The following MTHFSD variants were observed in gnomAD, a reference collection of about 807,000 sequenced individuals.
The protein encoded by MTHFSD is methenyltetrahydrofolate synthase domain-containing protein.
A neutral mutation model predicts 31.1 loss-of-function variants in MTHFSD; 37 were observed. The observed-to-expected ratio is 1.19, with a 90% CI of 0.91 to 1.56. The LOEUF (loss-of-function observed/expected upper bound fraction) is 1.56. Ranked by LOEUF, MTHFSD falls within the 40% of genes most tolerant of loss-of-function variation. The pLI is 0.00. For missense variants in MTHFSD, 664 were observed against 510.1 expected, an observed-to-expected ratio of 1.30 and a Z score of -2.91; for synonymous variants, 221 against 206.9, an observed-to-expected ratio of 1.07 and a Z score of -0.59.
At chr16:86,535,195 T>A in intron 7 of MTHFSD, 1 of 869,678 alleles carries the variant, frequency 1.1e-6, no homozygotes, top group Non-Finnish European at 1.3e-6. Context: ...ACTGGCACAC[T>A]GGCATCCGCA....
intron 4 of MTHFSD, chr16:86,547,211 G>A (rs930186664): frequency 4.8e-5 from 47 of 985,836 alleles, no homozygotes; most frequent in South Asian, 2.8e-4. Flanking sequence ...CAATATACTC[G>A]CTTCTAAAAA....
chr16:86,536,507 G>A (rs904579252), intron 7 of MTHFSD, among the ~76,000 whole-genome samples: 1 of 152,160 alleles, frequency 6.6e-6, no homozygotes. Context: ...TTACAATCAC[G>A]CTTCGACTGG....
chr16:86,533,837 G>C (rs1286728542), intron 7 of MTHFSD: 1 of 152,214 alleles, frequency 6.6e-6, no homozygotes, highest in Non-Finnish European at 1.5e-5. Context: ...AAAAACCTAA[G>C]AACAGCCAAG....
Position 86,552,282 on chromosome 16 carries a change from T to A in MTHFSD, c.124-136A>T, listed in dbSNP as rs962749008. ...CAAGCGTGGGAGTTGCTCGGCAGCA[T>A]GAGAAGCGCCCTGTTTCCAATGCAA... On this transcript the variant is annotated intron_variant, in intron 2 of 7. Coordinates refer to ENST00000360900, the MANE Select transcript of MTHFSD (RefSeq NM_001159377.2). 4.4e-6 allele frequency: 7 copies of A among 1,581,442 alleles called. No individual in the cohort carries two copies. In the African/African-American group the frequency reaches 9.4e-5, roughly 21 times the overall value.
chr16:86,555,045 C>T, intron 1 of MTHFSD, 124 bp downstream of exon 1: 1 of 1,469,912 alleles, frequency 6.8e-7, no homozygotes, highest in South Asian at 1.3e-5. Context: ...CTCTGACCTC[C>T]TCGGCCGCTT....
rs114260104 is a variant in MTHFSD at position 86,540,242 on chromosome 16, C to A, written c.681+1455G>T. On this transcript the variant is annotated intron_variant, in intron 7 of 7. Coordinates refer to ENST00000360900, the MANE Select transcript of MTHFSD (RefSeq NM_001159377.2). ...AAATGAGAGATGGCCTTTGAAAAGT[C>A]TGAGATTCTTGCTGAGGCCTCATAA... 2.8e-3 allele frequency among the ~76,000 whole-genome samples: 433 copies of A among 152,274 alleles called. 1 individual carries two copies. Among genetic ancestry groups the A allele is most frequent in the African/African-American group, 0.01 (422 of 41,550 alleles).
chr16:86,545,847 C>T (rs572645489), intron 5 of MTHFSD, among the ~76,000 whole-genome samples: 1 of 152,344 alleles, frequency 6.6e-6, no homozygotes, highest in Admixed American at 6.5e-5. Context: ...GAGTCCCCAG[C>T]CCCGATGACA....
chr16:86,547,282 T>A, intron 4 of MTHFSD: 1 of 985,578 alleles, frequency 1.0e-6, no homozygotes, highest in Non-Finnish European at 1.2e-6. Context: ...CAGGCATGCA[T>A]ATAAAGAATA....
chr16:86,546,112 G>C (rs1368231597), intron 5 of MTHFSD, among the ~76,000 whole-genome samples: 1 of 152,126 alleles, frequency 6.6e-6, no homozygotes, highest in Non-Finnish European at 1.5e-5. Flanking sequence ...CAGGAGTCTC[G>C]GACACACCAC....
intron 7 of MTHFSD, chr16:86,540,723 G>A (rs1971380760): frequency 3.0e-6 from 3 of 990,088 alleles, no homozygotes; most frequent in South Asian, 9.2e-5. Flanking sequence ...GACATCAAGG[G>A]ATATTTTCAT....
intron 7 of MTHFSD, chr16:86,535,566 T>C: frequency 1.0e-6 from 1 of 964,960 alleles, no homozygotes; most frequent in Non-Finnish European, 1.2e-6. Flanking sequence ...TGAGAAAACA[T>C]TTTTGCCTTT....
chr16:86,552,856 C>A (rs1242271764), intron 2 of MTHFSD, among the ~76,000 whole-genome samples: 1 of 152,162 alleles, frequency 6.6e-6, no homozygotes. Context: ...GCAGTCCTGA[C>A]AAAATGGGGT....
intron 7 of MTHFSD, chr16:86,541,132 C>G: frequency 7.8e-7 from 1 of 1,286,884 alleles, no homozygotes. Context: ...GCATCATAAC[C>G]TACAGGCTGA....
At chr16:86,543,791 C>T (rs982173131) in intron 5 of MTHFSD, among the ~76,000 whole-genome samples, 2 of 152,234 alleles carry the variant, frequency 1.3e-5, no homozygotes, top group South Asian at 2.1e-4. Context: ...GGCCACACAG[C>T]ACGAGGTGGG....
chr16:86,535,047 A>G (rs553924719), intron 7 of MTHFSD, among the ~76,000 whole-genome samples: 1 of 152,378 alleles, frequency 6.6e-6, no homozygotes, highest in South Asian at 2.1e-4. Flanking sequence ...GTTTTGAAAC[A>G]TGCCGTGGGA....
chr16:86,531,917 T>C lies in MTHFSD; in HGVS notation c.*94A>G. On this transcript the variant is annotated 3_prime_UTR_variant, in exon 8 of 8. Transcript: ENST00000360900. This position sits in a 1 kb window ranked among gnomAD's most constrained non-coding sequence, Gnocchi z 5.5. ...CAGCTCAGGCGGTGGCTCCGACACG[T>C]CTTGCCACGCAGGCCTCTCGAGTGC... 1 of 861,028 alleles carries C rather than the reference T, an allele frequency of 1.2e-6. No individual in the cohort carries two copies. Among genetic ancestry groups the C allele is most frequent in the African/African-American group, 1.8e-5 (1 of 56,774 alleles). The allele number at this position is 861,028 out of a possible 1,614,324, so 53.3% of individuals were successfully genotyped here.
Position 86,536,061 on chromosome 16 carries a change from C to A in MTHFSD, c.682-3580G>T, listed in dbSNP as rs577003690. Among the ~76,000 whole-genome samples, 3 of 152,318 alleles carry A rather than the reference C, an allele frequency of 2.0e-5. No individual in the cohort carries two copies. The East Asian group carries it at 5.8e-4, about 29-fold the overall frequency. ...GTAAAGACGGGATCTTGCTATGTTTCTCAGGCTGGTCTTGAACTCCTGGGC... is the reference window on the plus strand; with the variant it reads ...GTAAAGACGGGATCTTGCTATGTTTATCAGGCTGGTCTTGAACTCCTGGGC... On this transcript the variant is annotated intron_variant, in intron 7 of 7. Transcript: ENST00000360900.
chr16:86,549,993 C>T (rs1044171771), intron 3 of MTHFSD, among the ~76,000 whole-genome samples: 8 of 152,166 alleles, frequency 5.3e-5, no homozygotes, highest in Non-Finnish European at 1.0e-4. Context: ...GCGGACTGTC[C>T]GGTCAGACAC....
intron 7 of MTHFSD, among the ~76,000 whole-genome samples, chr16:86,534,179 C>T (rs936506848): frequency 2.0e-5 from 3 of 152,214 alleles, no homozygotes; most frequent in South Asian, 2.1e-4. Context: ...ATCCACGATG[C>T]GCTCTTTTCT....
Sources: gnomAD v4.1 joint callset for allele counts (sites outside exome capture counted in the v4.1 genomes callset) on GRCh38, gnomAD v4.1.1 for gene constraint, Gnocchi (gnomAD v3.1) non-coding constraint, MANE v1.5 for transcripts, NCBI Gene and HGNC (gene_info 2026-07-23, HGNC 2026-07-21) for gene names.